HECTD2: variants seen among roughly 807,000 people sequenced by gnomAD.
HECTD2 encodes the protein HECT domain E3 ubiquitin protein ligase 2.
Under a neutral mutation model 103.2 loss-of-function variants are expected in HECTD2, and 35 were observed. The observed-to-expected ratio is 0.34, with a 90% CI of 0.26 to 0.45. HECTD2 has a LOEUF of 0.45. HECTD2 is among the 20% of genes least tolerant of loss of function. The pLI, the probability that HECTD2 is intolerant of heterozygous loss-of-function variation, is 1.00. For synonymous variants in HECTD2, 281 were observed against 329.9 expected, an observed-to-expected ratio of 0.85 and a Z score of 1.61; for missense variants, 596 against 937.4, an observed-to-expected ratio of 0.64 and a Z score of 4.76.
chr10:91,413,065 C>T (rs1842988316), intron 1 of HECTD2, among the ~76,000 whole-genome samples: 1 of 152,060 alleles, frequency 6.6e-6, no homozygotes, highest in South Asian at 2.1e-4. Flanking sequence ...TTCTGCCTGT[C>T]TAGTTTGTGT....
At chr10:91,445,765 T>G (rs1844578775) in intron 2 of HECTD2, among the ~76,000 whole-genome samples, 1 of 152,050 alleles carries the variant, frequency 6.6e-6, no homozygotes, top group Admixed American at 6.6e-5. Context: ...CTTTGCCACA[T>G]CCGGGAAGCA....
chr10:91,495,616 C>A (rs75191395), intron 14 of HECTD2, among the ~76,000 whole-genome samples: 1 of 151,888 alleles, frequency 6.6e-6, no homozygotes, highest in African/African-American at 2.4e-5. Context: ...TAATCCTGAG[C>A]AAAATTTGTA....
Position 91,430,101 on chromosome 10 carries a change from A to G in HECTD2, c.268+4691A>G, listed in dbSNP as rs556601236. ...GTATCTTTGTTCTTGTTGGTTTCAA[A>G]GAACATCTTTATTTCTGCCTTCATT... is the stretch of plus-strand genomic sequence containing the variant. On this transcript the variant is annotated intron_variant, in intron 2 of 20. Transcript: ENST00000298068. 8.8e-3 allele frequency among the ~76,000 whole-genome samples: 1,333 copies of G among 152,308 alleles called. 19 individuals carry two copies. Among genetic ancestry groups the G allele is most frequent in the African/African-American group, 0.031 (1,279 of 41,564 alleles).
rs1329004282 is a variant in HECTD2, at chr10:91,496,151, A to G, written c.1522-63A>G. 10 of 1,137,162 alleles carry G rather than the reference A, an allele frequency of 8.8e-6. No homozygotes were observed. In the East Asian group the frequency reaches 1.6e-4, roughly 18 times the overall value. The allele number at this position is 1,137,162 out of a possible 1,614,324, so 70.4% of individuals were successfully genotyped here. A position where few individuals can be genotyped will look rare whatever the true frequency, so the allele number is the denominator to read the frequency against. On this transcript the variant is annotated intron_variant, in intron 14 of 20. Transcript: ENST00000298068. ...AAGTATGCAAAAAATAGACTGATGC[A>G]TAATTCAGAACTCATTTGTTGTCAT...
intron 1 of HECTD2, among the ~76,000 whole-genome samples, chr10:91,415,392 T>C (rs1843086531): frequency 6.6e-6 from 1 of 152,188 alleles, no homozygotes; most frequent in South Asian, 2.1e-4. Flanking sequence ...ATTACAAATA[T>C]ACAAAATAAG....
intron 20 of HECTD2, among the ~76,000 whole-genome samples, chr10:91,506,265 A>G (rs1258623012): frequency 6.6e-6 from 1 of 152,136 alleles, no homozygotes; most frequent in African/African-American, 2.4e-5. Flanking sequence ...GCAAGAAATA[A>G]CTAAAATCAG....
At chr10:91,492,582 C>T (rs1266353593) in intron 13 of HECTD2, 98 bp downstream of exon 13, 1 of 937,456 alleles carries the variant, frequency 1.1e-6, no homozygotes, top group Non-Finnish European at 1.6e-6. Flanking sequence ...ATTTTACAGA[C>T]TTTTTGTCCA....
At chr10:91,437,429 T>C (rs1007636396) in intron 2 of HECTD2, among the ~76,000 whole-genome samples, 3 of 152,068 alleles carry the variant, frequency 2.0e-5, no homozygotes, top group African/African-American at 7.2e-5. Flanking sequence ...ACAAATGTTA[T>C]TGCCTTTTAA....
chr10:91,437,619 C>CTTTTTTTTTTTTTTTTTTTTGGTTTT (rs59785873), intron 2 of HECTD2, among the ~76,000 whole-genome samples: 1 of 87,426 alleles, frequency 1.1e-5, no homozygotes, highest in Admixed American at 1.2e-4. Context: ...GATGGTTGTT[C>CTTTTTTTTTTTTTTTTTTTTGGTTTT]TTTTTTTTTT....
intron 16 of HECTD2, 23 bp downstream of exon 16, chr10:91,498,205 A>T: frequency 6.8e-7 from 1 of 1,469,820 alleles, no homozygotes. Context: ...GCAAGTAGTT[A>T]TCTGTTAATC....
At chr10:91,507,253 T>G (rs979736933) in intron 20 of HECTD2, among the ~76,000 whole-genome samples, 2 of 151,050 alleles carry the variant, frequency 1.3e-5, no homozygotes, top group East Asian at 3.9e-4. Flanking sequence ...CTATTCAACA[T>G]AGTGTTGGAA....
chr10:91,493,548 A>G, intron 14 of HECTD2, 40 bp downstream of exon 14: 1 of 1,048,366 alleles, frequency 9.5e-7, no homozygotes, highest in Non-Finnish European at 1.4e-6. Context: ...CTAATAGATT[A>G]GAGATTTTTA....
At chr10:91,480,370 A>C (rs969654249) in intron 6 of HECTD2, among the ~76,000 whole-genome samples, 1 of 152,036 alleles carries the variant, frequency 6.6e-6, no homozygotes, top group Non-Finnish European at 1.5e-5. Flanking sequence ...GTCAGCATAG[A>C]GAATGACAAA....
intron 1 of HECTD2, 85 bp from the exon 2 acceptor site, chr10:91,425,196 C>G: frequency 9.0e-7 from 1 of 1,105,904 alleles, no homozygotes; most frequent in Non-Finnish European, 1.2e-6. Flanking sequence ...AAATTAAAAT[C>G]TCTTATAAAT....
chr10:91,444,065 C>T (rs918707014), intron 2 of HECTD2, among the ~76,000 whole-genome samples: 1 of 152,104 alleles, frequency 6.6e-6, no homozygotes, highest in African/African-American at 2.4e-5. Flanking sequence ...CTCTTCAACA[C>T]CAGTCTTATT....
intron 1 of HECTD2, among the ~76,000 whole-genome samples, chr10:91,420,549 C>G (rs1215038392): frequency 1.3e-5 from 2 of 151,020 alleles, no homozygotes; most frequent in Non-Finnish European, 2.9e-5. Flanking sequence ...GATCGTGCCA[C>G]TGCACTCCAG....
At chr10:91,452,202 A>C (rs189581101) in intron 2 of HECTD2, among the ~76,000 whole-genome samples, 1 of 152,264 alleles carries the variant, frequency 6.6e-6, no homozygotes, top group East Asian at 1.9e-4. Context: ...AGGAAAAGAC[A>C]GTAGGGCTAA....
intron 1 of HECTD2, among the ~76,000 whole-genome samples, chr10:91,422,600 T>G (rs569213992): frequency 2.6e-5 from 4 of 152,172 alleles, no homozygotes; most frequent in Non-Finnish European, 5.9e-5. Flanking sequence ...AAGGAATGAT[T>G]TACTTTTTCA....
intron 20 of HECTD2, 84 bp downstream of exon 20, chr10:91,501,418 G>T (rs1846895339): frequency 2.5e-6 from 2 of 792,868 alleles, no homozygotes; most frequent in African/African-American, 1.8e-5. Context: ...ATCAGGATGT[G>T]TACTCCGTTT....
Sources: gnomAD v4.1 joint callset for allele counts (sites outside exome capture counted in the v4.1 genomes callset) on GRCh38, gnomAD v4.1.1 for gene constraint, MANE v1.5 for transcripts, NCBI Gene and HGNC (gene_info 2026-07-23, HGNC 2026-07-21) for gene names.